MYO16: variants seen among roughly 807,000 people sequenced by gnomAD.
The protein encoded by MYO16 is unconventional myosin-XVI.
Under a neutral mutation model 205.3 loss-of-function variants are expected in MYO16, and 94 were observed. The observed-to-expected ratio is 0.46, with a 90% CI of 0.39 to 0.54. The LOEUF (loss-of-function observed/expected upper bound fraction) is 0.54. Ranked by LOEUF, MYO16 falls within the 20% of genes least tolerant of loss-of-function variation. The probability of loss-of-function intolerance (pLI) is 0.00; values close to 1 mark genes in which losing one functional copy is unlikely to be tolerated. For missense variants in MYO16, 2,315 were observed against 2,387.5 expected (o/e 0.97, Z 0.63); for synonymous variants, 988 against 954.0 (o/e 1.04, Z -0.66).
At chr13:108,560,756 G>A in the MYO16 span, among the ~76,000 whole-genome samples, 66,250 of 151,926 alleles carry the variant, frequency 0.44, 14,735 homozygotes, top group East Asian at 0.56. Flanking sequence ...ATTTTTAGAT[G>A]ACATTTATAA....
intron 16 of MYO16, among the ~76,000 whole-genome samples, chr13:108,957,235 T>A (rs113205121): frequency 6.6e-6 from 1 of 151,760 alleles, no homozygotes; most frequent in African/African-American, 2.4e-5. Context: ...AATACAAAAA[T>A]TAGCCGGGCG....
rs372164906 is a variant in MYO16 at position 108,899,083 on chromosome 13, T to C, written c.1777+950T>C. ...AACATTGTATTTTGCAGCAAGTCTATGTCAGAATCAGTTTTCTACTAATAA... is the reference window on the plus strand; with the variant it reads ...AACATTGTATTTTGCAGCAAGTCTACGTCAGAATCAGTTTTCTACTAATAA... On this transcript the variant is annotated intron_variant, in intron 15 of 34. Coordinates refer to ENST00000457511, the MANE Select transcript of MYO16 (RefSeq NM_001198950.3). Among the ~76,000 whole-genome samples the C allele has an allele frequency of 2.0e-4, 30 of 152,308 alleles. 1 individual carries two copies. The South Asian group carries it at 5.2e-3, about 26-fold the overall frequency.
chr13:109,076,853 C>T (rs972188218), intron 27 of MYO16, among the ~76,000 whole-genome samples: 1 of 152,090 alleles, frequency 6.6e-6, no homozygotes, highest in African/African-American at 2.4e-5. Flanking sequence ...AAAAGTAAGA[C>T]TGGGAAAAAG....
In MYO16 at chr13:108,704,653, C is replaced by T. The variant is rs187445246; in HGVS notation, c.293-8008C>T. Among the ~76,000 whole-genome samples, 416 of 152,198 alleles carry T rather than the reference C, an allele frequency of 2.7e-3. 1 individual carries two copies. Among genetic ancestry groups the T allele is most frequent in the Middle Eastern group, 0.01 (3 of 294 alleles). On this transcript the variant is annotated intron_variant, in intron 2 of 34. Transcript: ENST00000457511. Reference sequence around the variant, plus strand: ...TAATCTCCCCCACCTGAATGGTACACGTTTTACAATTGATAAACCTACATT... The same window carrying T: ...TAATCTCCCCCACCTGAATGGTACATGTTTTACAATTGATAAACCTACATT...
intron 29 of MYO16, among the ~76,000 whole-genome samples, chr13:109,124,453 T>A (rs1334869069): frequency 6.6e-6 from 1 of 152,248 alleles, no homozygotes; most frequent in African/African-American, 2.4e-5. Context: ...AATGACGCAA[T>A]AGAGTGTCTT....
At chr13:108,508,482 A>C in the MYO16 span, among the ~76,000 whole-genome samples, 1 of 149,518 alleles carries the variant, frequency 6.7e-6, no homozygotes, top group Non-Finnish European at 1.5e-5. Context: ...CTGCTTCAGC[A>C]AGCCAACCGT....
intron 16 of MYO16, among the ~76,000 whole-genome samples, chr13:108,913,120 A>C (rs1199100674): frequency 6.6e-6 from 1 of 152,200 alleles, no homozygotes; most frequent in Non-Finnish European, 1.5e-5. Flanking sequence ...TCCAACAGGA[A>C]AGAACTTAGG....
At chr13:108,768,089 C>A (rs1267436922) in intron 4 of MYO16, among the ~76,000 whole-genome samples, 1 of 152,150 alleles carries the variant, frequency 6.6e-6, no homozygotes, top group Non-Finnish European at 1.5e-5. Context: ...GAGTAATAAA[C>A]CTGAGATTCC....
In MYO16 at chr13:108,983,049, A is replaced by C. The variant is rs1884501704; in HGVS notation, c.2370-9327A>C. On this transcript the variant is annotated intron_variant, in intron 20 of 34. Coordinates refer to ENST00000457511, the MANE Select transcript of MYO16 (RefSeq NM_001198950.3). Reference sequence around the variant, plus strand: ...GATATCCGTCTCCCGACTGCCAGTAATATTTGAACATTTTATTGATAATAT... The same window carrying C: ...GATATCCGTCTCCCGACTGCCAGTACTATTTGAACATTTTATTGATAATAT... Among the ~76,000 whole-genome samples, 3 of 152,328 alleles carry C rather than the reference A, an allele frequency of 2.0e-5. No homozygotes were observed. In the South Asian group the frequency reaches 6.2e-4, roughly 32 times the overall value.
At position 108,918,840 on chromosome 13, in the gene MYO16, G is replaced by A. The variant is rs191825829; in HGVS notation, c.1925+8690G>A. On this transcript the variant is annotated intron_variant, in intron 16 of 34. Transcript: ENST00000457511. ...TGCAGTCCCAGCTACTTGGGAGGCT[G>A]AGGCAAGAGAATCGCGGGAACCTGG... 1.4e-3 allele frequency among the ~76,000 whole-genome samples: 206 copies of A among 152,112 alleles called. 1 individual carries two copies. Among genetic ancestry groups the A allele is most frequent in the Non-Finnish European group, 2.5e-3 (167 of 68,002 alleles).
intron 11 of MYO16, among the ~76,000 whole-genome samples, chr13:108,862,718 C>T (rs556596163): frequency 6.6e-6 from 1 of 152,222 alleles, no homozygotes; most frequent in Admixed American, 6.5e-5. Flanking sequence ...TTCATGTATA[C>T]TTTAAAGTTA....
intron 16 of MYO16, among the ~76,000 whole-genome samples, chr13:108,938,434 C>T (rs1882582643): frequency 6.6e-6 from 1 of 152,242 alleles, no homozygotes; most frequent in South Asian, 2.1e-4. Flanking sequence ...CAGTTCCACC[C>T]ACAGGTCCCC....
chr13:108,498,881 C>T, the MYO16 span, among the ~76,000 whole-genome samples: 57,514 of 151,910 alleles, frequency 0.38, 11,184 homozygotes, highest in East Asian at 0.51. Context: ...GGAGGCACAC[C>T]CATTCCACAT....
chr13:108,566,605 C>G, the MYO16 span, among the ~76,000 whole-genome samples: 489 of 150,370 alleles, frequency 3.3e-3, 6 homozygotes, highest in African/African-American at 0.011. Context: ...GCACTCCAGC[C>G]TGGGTAATAG....
chr13:108,595,369 C>T (rs1878517984), upstream of MYO16, among the ~76,000 whole-genome samples: 1 of 152,112 alleles, frequency 6.6e-6, no homozygotes, highest in Non-Finnish European at 1.5e-5. Flanking sequence ...CCCCACATGG[C>T]TGGAAGGGTC....
intron 7 of MYO16, among the ~76,000 whole-genome samples, chr13:108,807,970 T>A (rs768822983): frequency 6.6e-6 from 1 of 152,228 alleles, no homozygotes; most frequent in African/African-American, 2.4e-5. Context: ...AAAGTGTCTA[T>A]TGCAATCTTT....
intron 1 of MYO16, among the ~76,000 whole-genome samples, chr13:108,642,238 T>C (rs1189355495): frequency 6.6e-6 from 1 of 152,176 alleles, no homozygotes; most frequent in Non-Finnish European, 1.5e-5. Context: ...CAGGAGACAG[T>C]GCAGGTACAG....
chr13:109,161,025 A>G (rs1415893354), intron 32 of MYO16, among the ~76,000 whole-genome samples: 1 of 152,206 alleles, frequency 6.6e-6, no homozygotes, highest in African/African-American at 2.4e-5. Flanking sequence ...GAATCTAGAA[A>G]TTAACAAGTC....
chr13:108,623,228 C>T (rs966180509), intron 1 of MYO16, among the ~76,000 whole-genome samples: 4 of 152,110 alleles, frequency 2.6e-5, no homozygotes, highest in Admixed American at 6.6e-5. Flanking sequence ...AGAACAATAT[C>T]GTAACAATGA....
Sources: allele counts gnomAD v4.1 joint callset (sites outside exome capture counted in the v4.1 genomes callset), GRCh38; gene constraint gnomAD v4.1.1; transcripts MANE v1.5; gene names NCBI Gene and HGNC (gene_info 2026-07-23, HGNC 2026-07-21).